DUSP22: variants seen among roughly 807,000 people sequenced by gnomAD.
The protein encoded by DUSP22 is dual specificity phosphatase 22.
A neutral mutation model predicts 24.5 loss-of-function variants in DUSP22; 24 were observed. That is an observed-to-expected ratio of 0.98 (90% CI 0.71 to 1.38). DUSP22 has a LOEUF of 1.38. DUSP22 is among the 40% of genes most tolerant of loss of function. The pLI is 0.00. For synonymous variants in DUSP22, 160 were observed against 106.4 expected, an observed-to-expected ratio of 1.50 and a Z score of -3.10; for missense variants, 330 against 269.2, an observed-to-expected ratio of 1.23 and a Z score of -1.58.
chr6:336,191 C>A (rs1759355048), intron 4 of DUSP22, among the ~76,000 whole-genome samples: 1 of 152,306 alleles, frequency 6.6e-6, no homozygotes, highest in African/African-American at 2.4e-5. Flanking sequence ...GCATCCCATG[C>A]CACTGAGTCT....
At chr6:314,928 A>G (rs544399076) in intron 3 of DUSP22, among the ~76,000 whole-genome samples, 5 of 152,304 alleles carry the variant, frequency 3.3e-5, no homozygotes, top group Non-Finnish European at 5.9e-5. Context: ...AATAGCATTC[A>G]TAGCATCTTG....
intron 5 of DUSP22, among the ~76,000 whole-genome samples, chr6:346,897 A>G (rs2127422282): frequency 6.6e-6 from 1 of 152,422 alleles, no homozygotes; most frequent in Non-Finnish European, 1.5e-5. Context: ...GAAAACTATA[A>G]TGTGTTCTGA....
chr6:349,008 C>T lies in DUSP22; in HGVS notation c.*57C>T, dbSNP rs559163215. The stretch of plus-strand genomic sequence containing the variant: ...CTTGTCTTCAGTGTGCCCGGCTGGG[C>T]AGGGGTGCGGTGGTGGTGGCCGATG... On this transcript the variant is annotated 3_prime_UTR_variant, in exon 7 of 7. Coordinates refer to ENST00000419235, the MANE Select transcript of DUSP22 (RefSeq NM_001286555.3). 5 of 1,545,444 alleles carry T rather than the reference C, an allele frequency of 3.2e-6. No homozygotes were observed. In the African/African-American group the frequency reaches 4.1e-5, roughly 13 times the overall value.
intron 3 of DUSP22, among the ~76,000 whole-genome samples, chr6:324,401 C>T (rs566201903): frequency 2.1e-4 from 32 of 152,416 alleles, no homozygotes; most frequent in African/African-American, 6.3e-4. Flanking sequence ...CCTGCTGCCG[C>T]GAACCTCAGG....
intron 4 of DUSP22, among the ~76,000 whole-genome samples, chr6:335,553 T>C (rs1759324590): frequency 6.6e-6 from 1 of 152,304 alleles, no homozygotes; most frequent in African/African-American, 2.4e-5. Context: ...TGGGCAGTTT[T>C]AAATTTTCTA....
At chr6:328,687 T>G (rs1324869107) in intron 3 of DUSP22, among the ~76,000 whole-genome samples, 5 of 152,304 alleles carry the variant, frequency 3.3e-5, no homozygotes, top group Non-Finnish European at 5.9e-5. Flanking sequence ...AATGGGTGCT[T>G]TAAGAAAATA....
At chr6:348,729 C>T (rs374209650) in intron 6 of DUSP22, 40 bp from the exon 7 acceptor site, 23 of 1,613,012 alleles carry the variant, frequency 1.4e-5, no homozygotes, top group Non-Finnish European at 1.9e-5. Context: ...CAGACGTGCA[C>T]ATGTGTGTGA....
At chr6:312,490 G>A (rs974237117) in intron 3 of DUSP22, among the ~76,000 whole-genome samples, 1 of 152,306 alleles carries the variant, frequency 6.6e-6, no homozygotes, top group Non-Finnish European at 1.5e-5. Context: ...GGGTGTGTCT[G>A]CTTGTGCACT....
chr6:342,271 G>C (rs779500644), intron 4 of DUSP22, among the ~76,000 whole-genome samples: 37 of 152,412 alleles, frequency 2.4e-4, no homozygotes, highest in African/African-American at 7.7e-4. Context: ...GCTGCTCTGC[G>C]TACAGACACG....
chr6:337,746 T>G (rs1759421403), intron 4 of DUSP22, among the ~76,000 whole-genome samples: 1 of 152,310 alleles, frequency 6.6e-6, no homozygotes, highest in Admixed American at 6.5e-5. Flanking sequence ...CGTTTTACTC[T>G]TTAAGCAATT....
chr6:341,609 T>G (rs1400793498), intron 4 of DUSP22, among the ~76,000 whole-genome samples: 1 of 152,306 alleles, frequency 6.6e-6, no homozygotes, highest in Non-Finnish European at 1.5e-5. Context: ...AGCTGCACTG[T>G]GGGGCTCTGA....
intron 3 of DUSP22, among the ~76,000 whole-genome samples, chr6:328,963 CT>C (rs1288864617): frequency 6.6e-6 from 1 of 152,304 alleles, no homozygotes; most frequent in Non-Finnish European, 1.5e-5. Flanking sequence ...TCCCTTTAAC[CT>C]TACATAATTT....
intron 1 of DUSP22, among the ~76,000 whole-genome samples, chr6:297,574 C>T (rs1757396534): frequency 6.6e-6 from 1 of 152,306 alleles, no homozygotes; most frequent in Non-Finnish European, 1.5e-5. Flanking sequence ...CATCTCAGAT[C>T]TTCACCCAAT....
chr6:330,585 T>C (rs1759096670), intron 3 of DUSP22, among the ~76,000 whole-genome samples: 1 of 152,418 alleles, frequency 6.6e-6, no homozygotes, highest in Admixed American at 6.5e-5. Flanking sequence ...AGTGTAATCT[T>C]TAGTTTCAGG....
intron 4 of DUSP22, chr6:337,057 C>T (rs1759388882): frequency 6.6e-6 from 1 of 152,492 alleles, no homozygotes; most frequent in African/African-American, 2.4e-5. Flanking sequence ...TGGACATCTG[C>T]TGTCAGTGCA....
Position 350,902 on chromosome 6 carries a change from CAG to C in DUSP22, c.*1954_*1955del. 1.2e-6 allele frequency: 2 copies of C among 1,613,550 alleles called. No individual in the cohort carries two copies. Among genetic ancestry groups the C allele is most frequent in the Non-Finnish European group, 1.7e-6 (2 of 1,179,492 alleles). On this transcript the variant is annotated 3_prime_UTR_variant, in exon 7 of 7. Transcript: ENST00000419235. ...AAGTTTCTGAAATATTGCAAACCCACAGAGTTTAGGCTGGTGCTGCCAAAAAG... is the reference window on the plus strand; with the variant it reads ...AAGTTTCTGAAATATTGCAAACCCACAGTTTAGGCTGGTGCTGCCAAAAAG...
chr6:307,534 T>C (rs1480320724), intron 2 of DUSP22, among the ~76,000 whole-genome samples: 2 of 152,304 alleles, frequency 1.3e-5, no homozygotes, highest in East Asian at 3.8e-4. Context: ...GGTGAGAGCC[T>C]CTCTGTTGAG....
intron 3 of DUSP22, among the ~76,000 whole-genome samples, chr6:333,615 G>A (rs1376506089): frequency 1.3e-5 from 2 of 152,304 alleles, no homozygotes; most frequent in Non-Finnish European, 2.9e-5. Flanking sequence ...AAGAGAGACT[G>A]AAAGCTCATG....
At position 349,941 on chromosome 6, in the gene DUSP22, T is replaced by C; in HGVS notation, c.*990T>C. On this transcript the variant is annotated 3_prime_UTR_variant, in exon 7 of 7. Coordinates refer to ENST00000419235, the MANE Select transcript of DUSP22 (RefSeq NM_001286555.3). ...TCCCAGCCTCTCGCTGTCCTCACTT[T>C]GCAGGGGCTCCTCCTCAACATTTGC... The C allele has an allele frequency of 1.0e-6, 1 of 985,860 alleles. No individual in the cohort carries two copies. Among genetic ancestry groups the C allele is most frequent in the African/African-American group, 1.7e-5 (1 of 57,404 alleles). The allele number at this position is 985,860 out of a possible 1,614,324, so 61.1% of individuals were successfully genotyped here.
Sources: gnomAD v4.1 joint callset for allele counts (sites outside exome capture counted in the v4.1 genomes callset) on GRCh38, gnomAD v4.1.1 for gene constraint, MANE v1.5 for transcripts, NCBI Gene and HGNC (gene_info 2026-07-23, HGNC 2026-07-21) for gene names.